The following SELENOM variants were observed in gnomAD, a reference collection of about 807,000 sequenced individuals.
The protein encoded by SELENOM is selenoprotein M, also known as selenoprotein SelM.
Under a neutral mutation model 14.5 loss-of-function variants are expected in SELENOM, and 17 were observed. The observed-to-expected ratio is 1.17, with a 90% CI of 0.80 to 1.76. The LOEUF (loss-of-function observed/expected upper bound fraction) is 1.76, where lower values mean the gene tolerates loss of function less well. Among genes scored for constraint, SELENOM ranks in the 40% most tolerant of loss-of-function variants. The pLI is 0.00. For missense variants in SELENOM, 230 were observed against 204.6 expected, an observed-to-expected ratio of 1.12 and a Z score of -0.76; for synonymous variants, 102 against 93.3, an observed-to-expected ratio of 1.09 and a Z score of -0.54.
Position 31,105,048 on chromosome 22 carries a change from G to A in SELENOM, c.360C>T (p.Pro120=), listed in dbSNP as rs751401348. 6.2e-6 allele frequency: 10 copies of A among 1,611,672 alleles called. No individual in the cohort carries two copies. Among genetic ancestry groups the A allele is most frequent in the Non-Finnish European group, 7.6e-6 (9 of 1,179,558 alleles). ...CGTACTCGGGGGGCACCTGCGCGTC[G>A]GGCGCCGCCTTGCGGTAGAAGCCGA... ...QELGFYRKAA[P]DAQVPPEYVW... Residue 120 remains proline, a synonymous_variant, in exon 5 of 5, where the codon CCC becomes CCT. Coordinates refer to ENST00000400299, the MANE Select transcript of SELENOM (RefSeq NM_080430.4).
chr22:31,106,173 C>G, intron 1 of SELENOM: 1 of 605,740 alleles, frequency 1.7e-6, no homozygotes, highest in South Asian at 1.9e-5. Context: ...CCTAGAGACA[C>G]CAGGGGAAAA....
In SELENOM at chr22:31,105,214, T is replaced by C; in HGVS notation, c.273A>G (p.Glu91=). 3 of 1,612,512 alleles carry C rather than the reference T, an allele frequency of 1.9e-6. No homozygotes were observed. The highest frequency in any genetic ancestry group is 2.7e-5 in the African/African-American group (2 of 75,028). The part of the protein sequence containing the change: ...ELVLLGRRYE[E]LERIPLSEMT... ...CCACCTCCCACGGCCTCACCTCTAG[T>C]TCCTCGTAGCGGCGGCCCAGCAGCA... Residue 91 remains glutamate, a synonymous_variant, in exon 4 of 5, where the codon GAA becomes GAG. Transcript: ENST00000400299.
At position 31,104,989 on chromosome 22, in the gene SELENOM, G is replaced by C. The variant is rs1316428022; in HGVS notation, c.419C>G (p.Ser140Trp). 3.8e-6 allele frequency: 6 copies of C among 1,595,914 alleles called. No individual in the cohort carries two copies. Among genetic ancestry groups the C allele is most frequent in the Non-Finnish European group, 5.1e-6 (6 of 1,173,532 alleles). ...CCGGACCTACAGGTCAGCGTGGTCC[G>C]AAGTTTCCTCTGGGGGCTTCGCGGG... Reference protein sequence around the residue: ...WAPAKPPEETSDHADL With the variant: ...WAPAKPPEETWDHADL Residue 140 changes from serine (S) to tryptophan (W), a missense_variant, in exon 5 of 5, where the codon TCG (serine) becomes TGG (tryptophan). Transcript: ENST00000400299.
In SELENOM at chr22:31,107,563, A is replaced by C; in HGVS notation, c.-58T>G. On this transcript the variant is annotated 5_prime_UTR_variant, in exon 1 of 5. Coordinates refer to ENST00000400299, the MANE Select transcript of SELENOM (RefSeq NM_080430.4). ...AGGCGAACCTCCGAGTCGCTGCGCC[A>C]CGTCTGGGCCCCCAGGCTGGCCCCG... The C allele has an allele frequency of 1.4e-6, 2 of 1,392,752 alleles. No homozygotes were observed. Among genetic ancestry groups the C allele is most frequent in the Non-Finnish European group, 1.9e-6 (2 of 1,055,474 alleles). 86.3% of individuals were successfully genotyped at this position (1,392,752 alleles called of 1,614,324 possible).
At chr22:31,107,063 G>A (rs571402449) in intron 1 of SELENOM, 15 of 262,968 alleles carry the variant, frequency 5.7e-5, no homozygotes, top group African/African-American at 2.0e-4. Context: ...GGGAAGTTGG[G>A]ACAGGATTGG....
chr22:31,106,200 C>G (rs1250780268), intron 1 of SELENOM: 1 of 587,292 alleles, frequency 1.7e-6, no homozygotes, highest in Non-Finnish European at 3.1e-6. Flanking sequence ...GGCCAGAGAC[C>G]CACAGTGTGC....
intron 1 of SELENOM, chr22:31,106,350 G>A (rs1200386312): frequency 2.9e-5 from 8 of 278,192 alleles, no homozygotes; most frequent in Admixed American, 2.4e-4. Flanking sequence ...TGGAGGCAGA[G>A]CAGAAGGAAA....
rs1194153011 is a variant in SELENOM, at chr22:31,105,963, G to C, written c.132C>G (p.Thr44=). The C allele has an allele frequency of 1.9e-6, 3 of 1,613,670 alleles. No homozygotes were observed. In the African/African-American group the frequency reaches 4.0e-5, roughly 22 times the overall value. ...LSGLTRARVE[T]CGGUQLNRLK... ...GGCGGTTCAGCTGTCATCCCCCGCA[G>C]GTCTGGAGGGGGATAAAATGGGATA... Residue 44 remains threonine (T), a splice_region_variant and synonymous_variant, in exon 2 of 5, where the codon ACC becomes ACG. Coordinates refer to ENST00000400299, the MANE Select transcript of SELENOM (RefSeq NM_080430.4).
At chr22:31,107,108 G>A (rs2044412579) in intron 1 of SELENOM, 1 of 449,490 alleles carries the variant, frequency 2.2e-6, no homozygotes. Flanking sequence ...AGGAGACTGC[G>A]TCAGTGTGTC....
At chr22:31,106,174 C>T (rs1480737217) in intron 1 of SELENOM, 1 of 605,474 alleles carries the variant, frequency 1.7e-6, no homozygotes, top group Admixed American at 2.7e-5. Flanking sequence ...CTAGAGACAC[C>T]AGGGGAAAAG....
chr22:31,107,526 T>A lies in SELENOM; in HGVS notation c.-21A>T. 2 of 1,524,800 alleles carry A rather than the reference T, an allele frequency of 1.3e-6. No homozygotes were observed. The highest frequency in any genetic ancestry group is 1.8e-6 in the Non-Finnish European group (2 of 1,136,908). The allele number at this position is 1,524,800 out of a possible 1,614,324, so 94.5% of individuals were successfully genotyped here. A position where few individuals can be genotyped will look rare whatever the true frequency, so the allele number is the denominator to read the frequency against. On this transcript the variant is annotated 5_prime_UTR_variant, in exon 1 of 5. Transcript: ENST00000400299. ...CTCATCGGGACCCGGCCGCAGATGATGCGCAAGCTGGAGGCGAACCTCCGA... is the reference window on the plus strand; with the variant it reads ...CTCATCGGGACCCGGCCGCAGATGAAGCGCAAGCTGGAGGCGAACCTCCGA...
chr22:31,104,912 C>T lies in SELENOM; in HGVS notation c.*58G>A, dbSNP rs2044372545. 1.3e-6 allele frequency: 2 copies of T among 1,484,716 alleles called. No individual in the cohort carries two copies. The highest frequency in any genetic ancestry group is 2.4e-5 in the East Asian group (1 of 42,252). The allele number at this position is 1,484,716 out of a possible 1,614,324, so 92.0% of individuals were successfully genotyped here. On this transcript the variant is annotated 3_prime_UTR_variant, in exon 5 of 5. Coordinates refer to ENST00000400299, the MANE Select transcript of SELENOM (RefSeq NM_080430.4). ...AGAAGTATTCCCGGGATGCTGAGCG[C>T]TTCATTCTGTCTCCAGGACTCAGGC... is the stretch of plus-strand genomic sequence containing the variant.
chr22:31,107,370 T>A lies in SELENOM; in HGVS notation c.129+7A>T. ...ATAGTGCCGGGGCTGGAGGCCGGCG[T>A]ACTCACCTCTACCCGGGCGCGGGTT... On this transcript the variant is annotated splice_region_variant and intron_variant, in intron 1 of 4. Coordinates refer to ENST00000400299, the MANE Select transcript of SELENOM (RefSeq NM_080430.4). 1 of 1,592,100 alleles carries A rather than the reference T, an allele frequency of 6.3e-7. No homozygotes were observed. Among genetic ancestry groups the A allele is most frequent in the Non-Finnish European group, 8.5e-7 (1 of 1,171,132 alleles).
chr22:31,107,541 C>G lies in SELENOM; in HGVS notation c.-36G>C, dbSNP rs1416861345. Reference sequence around the variant, plus strand: ...CCGCAGATGATGCGCAAGCTGGAGGCGAACCTCCGAGTCGCTGCGCCACGT... The same window carrying G: ...CCGCAGATGATGCGCAAGCTGGAGGGGAACCTCCGAGTCGCTGCGCCACGT... On this transcript the variant is annotated 5_prime_UTR_variant, in exon 1 of 5. Coordinates refer to ENST00000400299, the MANE Select transcript of SELENOM (RefSeq NM_080430.4). 2.0e-6 allele frequency: 3 copies of G among 1,500,472 alleles called. No individual in the cohort carries two copies. Among genetic ancestry groups the G allele is most frequent in the African/African-American group, 1.4e-5 (1 of 70,250 alleles). 92.9% of individuals were successfully genotyped at this position (1,500,472 alleles called of 1,614,324 possible).
Position 31,105,083 on chromosome 22 carries a change from C to T in SELENOM, c.325G>A (p.Val109Met). ...TTGCGGTAGAAGCCGAGCTCCTGCA[C>T]TAGCGCATTGATCTCTTCGCGGGTC... is the stretch of plus-strand genomic sequence containing the variant. Reference protein sequence around the residue: ...EMTREEINALVQELGFYRKAA... With the variant: ...EMTREEINALMQELGFYRKAA... The change falls in exon 5 of 5, where the codon GTG (valine) becomes ATG (methionine). Residue 109 changes from valine (V) to methionine (M), a missense_variant. Transcript: ENST00000400299. The T allele has an allele frequency of 6.2e-7, 1 of 1,613,220 alleles. No homozygotes were observed. The highest frequency in any genetic ancestry group is 1.3e-5 in the African/African-American group (1 of 75,060).
intron 1 of SELENOM, chr22:31,107,045 T>C (rs2044412191): frequency 4.6e-6 from 1 of 215,520 alleles, no homozygotes; most frequent in Non-Finnish European, 9.2e-6. Context: ...CATGAAGTGA[T>C]GGGGGATGGG....
intron 1 of SELENOM, 158 bp from the exon 2 acceptor site, chr22:31,106,123 G>T: frequency 1.4e-6 from 1 of 689,930 alleles, no homozygotes; most frequent in Non-Finnish European, 2.6e-6. Flanking sequence ...ACCCTTGTGG[G>T]CAGAAGGGGG....
chr22:31,105,293 G>C lies in SELENOM; in HGVS notation c.201-7C>G, dbSNP rs1191985437. The C allele has an allele frequency of 6.2e-7, 1 of 1,608,788 alleles. No homozygotes were observed. ...TTTCATCACCAGGTTGTGACTGGAG[G>C]TGGTGTTAAGGAGCGGGGTGGTGGG... On this transcript the variant is annotated splice_region_variant and splice_polypyrimidine_tract_variant and intron_variant, in intron 3 of 4. Transcript: ENST00000400299.
At chr22:31,105,754 A>C in intron 2 of SELENOM, 62 bp from the exon 3 acceptor site, 1 of 1,585,830 alleles carries the variant, frequency 6.3e-7, no homozygotes, top group East Asian at 2.2e-5. Flanking sequence ...CAGACGAGAC[A>C]CTGAAGCCCA....
Sources: allele counts gnomAD v4.1 joint callset, GRCh38; gene constraint gnomAD v4.1.1; transcripts MANE v1.5; gene names NCBI Gene and HGNC (gene_info 2026-07-23, HGNC 2026-07-21).